Variants in ARHGAP10 observed in about 807,000 individuals in gnomAD.
ARHGAP10 encodes Rho GTPase activating protein 10.
In ARHGAP10, 87 loss-of-function variants were observed where a neutral mutation model predicts 108.6. The observed-to-expected ratio is 0.80, with a 90% CI of 0.67 to 0.96. The LOEUF (loss-of-function observed/expected upper bound fraction) is 0.96, where lower values mean the gene tolerates loss of function less well. Among genes scored for constraint, ARHGAP10 ranks in the 40% least tolerant of loss-of-function variants. The probability of loss-of-function intolerance (pLI) is 0.00; values close to 1 mark genes in which losing one functional copy is unlikely to be tolerated. For synonymous variants in ARHGAP10, 347 were observed against 341.1 expected (o/e 1.02, Z -0.19); for missense variants, 939 against 954.5 (o/e 0.98, Z 0.21).
intron 13 of ARHGAP10, among the ~76,000 whole-genome samples, chr4:147,921,114 G>T (rs975861611): frequency 2.6e-5 from 4 of 152,194 alleles, no homozygotes; most frequent in African/African-American, 9.7e-5. Context: ...AACTGATTCT[G>T]GATAATAGGT....
chr4:147,879,706 C>T (rs1003264356), intron 9 of ARHGAP10, among the ~76,000 whole-genome samples: 1 of 152,112 alleles, frequency 6.6e-6, no homozygotes, highest in African/African-American at 2.4e-5. Context: ...CCCCCAGCCC[C>T]CTCACAGACC....
chr4:147,847,122 G>A, intron 3 of ARHGAP10, 29 bp from the exon 4 acceptor site: 1 of 1,580,246 alleles, frequency 6.3e-7, no homozygotes, highest in Non-Finnish European at 8.7e-7. Context: ...CTAATGCTGT[G>A]CTCTTTTGTT....
intron 18 of ARHGAP10, among the ~76,000 whole-genome samples, chr4:147,972,991 G>A (rs974232812): frequency 2.6e-5 from 4 of 152,138 alleles, no homozygotes; most frequent in Non-Finnish European, 5.9e-5. Flanking sequence ...CTGATCTCAA[G>A]TGATCCACCG....
chr4:147,881,603 A>G (rs915872133), intron 9 of ARHGAP10, among the ~76,000 whole-genome samples: 1 of 152,218 alleles, frequency 6.6e-6, no homozygotes, highest in Non-Finnish European at 1.5e-5. Flanking sequence ...CTGCCACTGC[A>G]CTCCAGCCTG....
At chr4:147,972,303 G>C (rs764290523) in intron 18 of ARHGAP10, among the ~76,000 whole-genome samples, 11 of 152,070 alleles carry the variant, frequency 7.2e-5, no homozygotes, top group Non-Finnish European at 1.5e-4. Flanking sequence ...ATGCTTCTTT[G>C]TGTATCCATA....
intron 1 of ARHGAP10, among the ~76,000 whole-genome samples, chr4:147,820,040 A>T (rs917644322): frequency 6.6e-6 from 1 of 152,140 alleles, no homozygotes; most frequent in Non-Finnish European, 1.5e-5. Context: ...ACGGCAGTAG[A>T]ATGGAGAGGG....
chr4:147,911,581 C>G (rs577585807), intron 12 of ARHGAP10, among the ~76,000 whole-genome samples: 2 of 152,292 alleles, frequency 1.3e-5, no homozygotes, highest in African/African-American at 4.8e-5. Flanking sequence ...CCAGGATGGT[C>G]TTGATCTCCT....
At chr4:147,786,089 C>G (rs985663427) in intron 1 of ARHGAP10, among the ~76,000 whole-genome samples, 2 of 152,024 alleles carry the variant, frequency 1.3e-5, no homozygotes, top group African/African-American at 4.8e-5. Flanking sequence ...TGCATGGTTG[C>G]TTTTTTGGTT....
chr4:147,859,609 CTG>C (rs1734235451), intron 5 of ARHGAP10, among the ~76,000 whole-genome samples: 1 of 152,200 alleles, frequency 6.6e-6, no homozygotes, highest in Non-Finnish European at 1.5e-5. Flanking sequence ...GTTTGACAAA[CTG>C]TGCATTTGTT....
chr4:148,003,028 T>G (rs1740791653), intron 18 of ARHGAP10, among the ~76,000 whole-genome samples: 1 of 152,230 alleles, frequency 6.6e-6, no homozygotes, highest in South Asian at 2.1e-4. Context: ...TTTAGATCTT[T>G]CCTGCTTTCT....
chr4:148,046,137 A>G (rs888179409), intron 19 of ARHGAP10, among the ~76,000 whole-genome samples: 1 of 152,238 alleles, frequency 6.6e-6, no homozygotes, highest in African/African-American at 2.4e-5. Flanking sequence ...CAATAGAGGG[A>G]AATAACTGCT....
At chr4:147,982,157 C>T (rs951882269) in intron 18 of ARHGAP10, among the ~76,000 whole-genome samples, 4 of 152,154 alleles carry the variant, frequency 2.6e-5, no homozygotes, top group Non-Finnish European at 4.4e-5. Flanking sequence ...TTTGCCTCAG[C>T]CCCCTGTCTC....
In ARHGAP10 at chr4:147,732,274, T is replaced by G; in HGVS notation, c.-28T>G. ...CGGCTCGGGCAGGAGCGCGCGGCCG[T>G]GCGCACCGCGCAGCGACCGCTGCCG... is the stretch of plus-strand genomic sequence containing the variant. On this transcript the variant is annotated 5_prime_UTR_variant, in exon 1 of 23. Transcript: ENST00000336498. 2.6e-6 allele frequency: 4 copies of G among 1,562,448 alleles called. No individual in the cohort carries two copies. Among genetic ancestry groups the G allele is most frequent in the Non-Finnish European group, 3.4e-6 (4 of 1,160,786 alleles).
chr4:147,983,931 CTT>C (rs1301648131), intron 18 of ARHGAP10, among the ~76,000 whole-genome samples: 3 of 151,620 alleles, frequency 2.0e-5, no homozygotes, highest in Non-Finnish European at 4.4e-5. Context: ...CTGATGTTTT[CTT>C]TTTTTTGATT....
intron 3 of ARHGAP10, among the ~76,000 whole-genome samples, chr4:147,827,990 G>T (rs1732790024): frequency 6.6e-6 from 1 of 152,118 alleles, no homozygotes; most frequent in Non-Finnish European, 1.5e-5. Flanking sequence ...ATTTTTAGTA[G>T]AGATGGGGTT....
chr4:147,981,030 A>G (rs1739789191), intron 18 of ARHGAP10, among the ~76,000 whole-genome samples: 2 of 151,854 alleles, frequency 1.3e-5, no homozygotes, highest in South Asian at 4.2e-4. Flanking sequence ...CATTTTATTG[A>G]TCTTTAGTAT....
chr4:147,991,500 C>T (rs1178559783), intron 18 of ARHGAP10, among the ~76,000 whole-genome samples: 1 of 152,132 alleles, frequency 6.6e-6, no homozygotes, highest in Admixed American at 6.5e-5. Flanking sequence ...CAAGAAAGCC[C>T]AGGTATTAGA....
At chr4:147,765,477 G>A (rs1212829084) in intron 1 of ARHGAP10, among the ~76,000 whole-genome samples, 1 of 152,174 alleles carries the variant, frequency 6.6e-6, no homozygotes. Context: ...GCAATTCTGA[G>A]CATTTGCTGA....
At chr4:147,782,407 G>A (rs72955517) in intron 1 of ARHGAP10, among the ~76,000 whole-genome samples, 11,178 of 152,116 alleles carry the variant, frequency 0.073, 639 homozygotes, top group African/African-American at 0.17. Context: ...TTTCAGGAGT[G>A]GGTTCTTCCG....
Sources: gnomAD v4.1 joint callset for allele counts (sites outside exome capture counted in the v4.1 genomes callset) on GRCh38, gnomAD v4.1.1 for gene constraint, MANE v1.5 for transcripts, NCBI Gene and HGNC (gene_info 2026-07-23, HGNC 2026-07-21) for gene names.